Variants in ATF7IP observed in about 807,000 individuals in gnomAD.
The protein encoded by ATF7IP is activating transcription factor 7-interacting protein 1.
A neutral mutation model predicts 106.4 loss-of-function variants in ATF7IP; 23 were observed. The observed-to-expected ratio is 0.22, with a 90% CI of 0.16 to 0.31. ATF7IP has a LOEUF of 0.31. Ranked by LOEUF, ATF7IP falls within the 10% of genes least tolerant of loss-of-function variation. The pLI is 1.00. For missense variants in ATF7IP, 1,334 were observed against 1,524.3 expected, an observed-to-expected ratio of 0.88 and a Z score of 2.08; for synonymous variants, 542 against 539.0, an observed-to-expected ratio of 1.01 and a Z score of -0.08.
At chr12:14,470,787 C>T (rs942606262) in intron 10 of ATF7IP, among the ~76,000 whole-genome samples, 30 of 152,200 alleles carry the variant, frequency 2.0e-4, no homozygotes, top group African/African-American at 7.0e-4. Flanking sequence ...GAAATAATTA[C>T]CAATTTTATT....
chr12:14,402,517 T>G (rs1472061738), intron 1 of ATF7IP, among the ~76,000 whole-genome samples: 1 of 152,130 alleles, frequency 6.6e-6, no homozygotes, highest in Non-Finnish European at 1.5e-5. Flanking sequence ...AATTGATTTT[T>G]TTTTTACATT....
At chr12:14,482,249 T>A (rs115159719) in intron 13 of ATF7IP, 1 of 152,242 alleles carries the variant, frequency 6.6e-6, no homozygotes, top group African/African-American at 2.4e-5. Context: ...AAAATTGATA[T>A]CATTTAAACA....
chr12:14,480,654 C>G (rs895511244), intron 12 of ATF7IP, among the ~76,000 whole-genome samples: 1 of 152,118 alleles, frequency 6.6e-6, no homozygotes, highest in African/African-American at 2.4e-5. Context: ...TTGCTAAGAA[C>G]AATTAAAATT....
intron 10 of ATF7IP, 29 bp downstream of exon 10, chr12:14,466,619 A>G: frequency 6.6e-7 from 1 of 1,517,388 alleles, no homozygotes; most frequent in East Asian, 2.3e-5. Context: ...CTTCAAAGTA[A>G]AATCCTAATT....
intron 5 of ATF7IP, among the ~76,000 whole-genome samples, chr12:14,441,487 CTTTTTTT>C (rs36088397): frequency 1.1e-4 from 12 of 105,274 alleles, no homozygotes; most frequent in African/African-American, 4.5e-4. Context: ...ATACCAAAGT[CTTTTTTT>C]TTTTTTTTTT....
intron 1 of ATF7IP, among the ~76,000 whole-genome samples, chr12:14,377,688 A>C (rs1225540358): frequency 4.7e-5 from 7 of 148,858 alleles, no homozygotes; most frequent in African/African-American, 1.0e-4. Flanking sequence ...ATCTCGGCTC[A>C]CTCCAGTCTC....
intron 13 of ATF7IP, chr12:14,481,923 C>CATGTTACAT (rs1555139090): frequency 6.5e-6 from 1 of 153,276 alleles, no homozygotes; most frequent in Admixed American, 6.6e-5. Flanking sequence ...TAGTTACATA[C>CATGTTACAT]ATATGTTACA....
At chr12:14,477,311 A>G (rs532209651) in intron 11 of ATF7IP, among the ~76,000 whole-genome samples, 240 of 152,356 alleles carry the variant, frequency 1.6e-3, no homozygotes, top group African/African-American at 5.7e-3. Flanking sequence ...GAATTGAGAA[A>G]TGTATGCCAT....
At chr12:14,427,233 C>G (rs1329903044) in intron 2 of ATF7IP, among the ~76,000 whole-genome samples, 1 of 151,984 alleles carries the variant, frequency 6.6e-6, no homozygotes, top group East Asian at 1.9e-4. Flanking sequence ...GGTGATCCTC[C>G]CACCTAAGCC....
intron 11 of ATF7IP, 178 bp downstream of exon 11, chr12:14,476,146 C>A: frequency 1.9e-6 from 1 of 526,542 alleles, no homozygotes; most frequent in Non-Finnish European, 3.4e-6. Flanking sequence ...CAGTGTCTCA[C>A]ACCTGTAATC....
chr12:14,461,194 T>G lies in ATF7IP; in HGVS notation c.2797+61T>G, dbSNP rs1044384106. 11 of 1,472,936 alleles carry G rather than the reference T, an allele frequency of 7.5e-6. No individual in the cohort carries two copies. The African/African-American group carries it at 1.1e-4, about 15-fold the overall frequency. The allele number at this position is 1,472,936 out of a possible 1,614,324, so 91.2% of individuals were successfully genotyped here. A position where few individuals can be genotyped will look rare whatever the true frequency, so the allele number is the denominator to read the frequency against. On this transcript the variant is annotated intron_variant, in intron 9 of 14. Transcript: ENST00000261168. ...AGCATCTTAATAGCCTTGTAATGATTGAACTTTTTTTTTCTAAGTGGCTAG... is the reference window on the plus strand; with the variant it reads ...AGCATCTTAATAGCCTTGTAATGATGGAACTTTTTTTTTCTAAGTGGCTAG...
rs569961128 is a variant in ATF7IP, at chr12:14,399,629, T to G, written c.-7-24280T>G. 2.0e-4 allele frequency among the ~76,000 whole-genome samples: 31 copies of G among 152,258 alleles called. No homozygotes were observed. In the South Asian group the frequency reaches 3.5e-3, roughly 17 times the overall value. On this transcript the variant is annotated intron_variant, in intron 1 of 14. Transcript: ENST00000261168. ...CCTCCTTTTTTTCTTGTTTCTTTTT[T>G]TTTAGAAACTTGACTTAATTGAAAG...
Position 14,413,234 on chromosome 12 carries a change from T to C in ATF7IP, c.-7-10675T>C, listed in dbSNP as rs1941021083. On this transcript the variant is annotated intron_variant, in intron 1 of 14. Coordinates refer to ENST00000261168, the MANE Select transcript of ATF7IP (RefSeq NM_018179.5). ...GAGGAAATCCTCTTCTATTCTTAGTTGGTTGAGTGAATTCTGCTCTTAATT... is the reference window on the plus strand; with the variant it reads ...GAGGAAATCCTCTTCTATTCTTAGTCGGTTGAGTGAATTCTGCTCTTAATT... 6.6e-5 allele frequency among the ~76,000 whole-genome samples: 10 copies of C among 152,272 alleles called. No homozygotes were observed. In the South Asian group the frequency reaches 8.3e-4, roughly 13 times the overall value.
In ATF7IP at chr12:14,438,165, G is replaced by A. The variant is rs61754406; in HGVS notation, c.1827G>A (p.Ala609=). 1.5e-4 allele frequency: 249 copies of A among 1,613,072 alleles called. No homozygotes were observed. The highest frequency in any genetic ancestry group is 1.9e-4 in the Non-Finnish European group (229 of 1,179,900). ...GGTTGCTGGAAGAAAAATTGTGTGC[G>A]CTGCAGTGTGCTGTATTTGATAAGA... ...IQWLLEEKLC[A]LQCAVFDKTL... Residue 609 remains alanine, a synonymous_variant, in exon 5 of 15, where the codon GCG becomes GCA. Transcript: ENST00000261168.
At position 14,494,333 on chromosome 12, in the gene ATF7IP, A is replaced by ATATG. The variant is rs1234871100; in HGVS notation, c.3281-1897_3281-1896insATGT. On this transcript the variant is annotated intron_variant, in intron 13 of 14. Coordinates refer to ENST00000261168, the MANE Select transcript of ATF7IP (RefSeq NM_018179.5). The stretch of plus-strand genomic sequence containing the variant: ...TATATATATATATATATATATATAT[A>ATATG]TGTGTGTGTGTATATGTATATATAC... Among the ~76,000 whole-genome samples the ATATG allele has an allele frequency of 3.1e-3, 265 of 85,766 alleles. 1 individual carries two copies. Among genetic ancestry groups the ATATG allele is most frequent in the Non-Finnish European group, 3.8e-3 (167 of 44,194 alleles). The allele number at this position is 85,766 out of a possible 152,430, so 56.3% of individuals were successfully genotyped here.
chr12:14,484,149 C>G (rs566744454), intron 13 of ATF7IP, among the ~76,000 whole-genome samples: 1 of 152,238 alleles, frequency 6.6e-6, no homozygotes, highest in South Asian at 2.1e-4. Context: ...CAGTGTTGGT[C>G]TCTGCTGCTG....
chr12:14,451,933 A>G (rs1248438747), intron 6 of ATF7IP, among the ~76,000 whole-genome samples: 1 of 152,128 alleles, frequency 6.6e-6, no homozygotes, highest in African/African-American at 2.4e-5. Context: ...TGATGGTTCT[A>G]TCCATTATTG....
At chr12:14,402,257 A>C (rs1033103569) in intron 1 of ATF7IP, among the ~76,000 whole-genome samples, 2 of 149,994 alleles carry the variant, frequency 1.3e-5, no homozygotes, top group Admixed American at 1.3e-4. Context: ...CCTCCCAGGG[A>C]GCTGGGGCCA....
chr12:14,442,242 G>A lies in ATF7IP; in HGVS notation c.1929+3975G>A, dbSNP rs1003189032. ...TAACATCTTAACTTTATAACAGTTA[G>A]GTTTCAATTAATATCTACTTATTTT... On this transcript the variant is annotated intron_variant, in intron 5 of 14. Coordinates refer to ENST00000261168, the MANE Select transcript of ATF7IP (RefSeq NM_018179.5). Among the ~76,000 whole-genome samples the A allele has an allele frequency of 5.3e-5, 8 of 152,138 alleles. 1 individual carries two copies. The highest frequency in any genetic ancestry group is 2.1e-4 in the South Asian group (1 of 4,822).
Sources: gnomAD v4.1 joint callset for allele counts (sites outside exome capture counted in the v4.1 genomes callset) on GRCh38, gnomAD v4.1.1 for gene constraint, MANE v1.5 for transcripts, NCBI Gene and HGNC (gene_info 2026-07-23, HGNC 2026-07-21) for gene names.